NKD1: variants seen among roughly 807,000 people sequenced by gnomAD.
The protein encoded by NKD1 is NKD inhibitor of Wnt signaling pathway 1.
In NKD1, 21 loss-of-function variants were observed where a neutral mutation model predicts 56.0. That is an observed-to-expected ratio of 0.38 (90% CI 0.27 to 0.54). The LOEUF (loss-of-function observed/expected upper bound fraction) is 0.54, where lower values mean the gene tolerates loss of function less well. NKD1 is among the 20% of genes least tolerant of loss of function. The probability of loss-of-function intolerance (pLI) is 0.82; values close to 1 mark genes in which losing one functional copy is unlikely to be tolerated. For synonymous variants in NKD1, 263 were observed against 265.7 expected, an observed-to-expected ratio of 0.99 and a Z score of 0.10; for missense variants, 578 against 642.7, an observed-to-expected ratio of 0.90 and a Z score of 1.09.
rs917339522 is a variant in NKD1, at chr16:50,636,138, A to T, written c.*2357A>T. ...ATAGCTGGACCAATCATGACATCCC[A>T]GATGGGGTCACGTGGCCAACCTGCC... is the stretch of plus-strand genomic sequence containing the variant. On this transcript the variant is annotated 3_prime_UTR_variant, in exon 10 of 10. Transcript: ENST00000268459. 2 of 152,306 alleles carry T rather than the reference A, an allele frequency of 1.3e-5. No individual in the cohort carries two copies. The highest frequency in any genetic ancestry group is 4.8e-5 in the African/African-American group (2 of 41,444). 9.4% of individuals were successfully genotyped at this position (152,306 alleles called of 1,614,324 possible). A position where few individuals can be genotyped will look rare whatever the true frequency, so the allele number is the denominator to read the frequency against.
At chr16:50,608,619 G>T (rs1961771797) in intron 4 of NKD1, among the ~76,000 whole-genome samples, 1 of 152,188 alleles carries the variant, frequency 6.6e-6, no homozygotes, top group Non-Finnish European at 1.5e-5. Context: ...ATTAGCTGGG[G>T]GATCTCGGAC....
Position 50,580,042 on chromosome 16 carries a change from C to T in NKD1, c.193-28252C>T, listed in dbSNP as rs116543186. Among the ~76,000 whole-genome samples the T allele has an allele frequency of 5.8e-3, 881 of 152,124 alleles. 8 individuals are homozygous for T. The highest frequency in any genetic ancestry group is 0.014 in the African/African-American group (588 of 41,500). On this transcript the variant is annotated intron_variant, in intron 3 of 9. Coordinates refer to ENST00000268459, the MANE Select transcript of NKD1 (RefSeq NM_033119.5). Reference sequence around the variant, plus strand: ...AGTCCCACAGGCTACCAGCTACACACGCACTGTCTTGGTCCCACCGGCTAG... The same window carrying T: ...AGTCCCACAGGCTACCAGCTACACATGCACTGTCTTGGTCCCACCGGCTAG...
intron 3 of NKD1, among the ~76,000 whole-genome samples, chr16:50,596,428 A>C (rs1961473340): frequency 6.6e-6 from 1 of 151,742 alleles, no homozygotes; most frequent in South Asian, 2.1e-4. Flanking sequence ...AGAAGTAATC[A>C]TGTGTGTTCA....
chr16:50,590,359 T>G (rs1961338825), intron 3 of NKD1, among the ~76,000 whole-genome samples: 1 of 152,176 alleles, frequency 6.6e-6, no homozygotes. Context: ...AATCCCCACA[T>G]GTGTTCACAC....
At chr16:50,577,708 C>G (rs1961021685) in intron 3 of NKD1, among the ~76,000 whole-genome samples, 1 of 152,178 alleles carries the variant, frequency 6.6e-6, no homozygotes, top group African/African-American at 2.4e-5. Context: ...TTCCACTCTG[C>G]TTCTTTGAGT....
Position 50,634,010 on chromosome 16 carries a change from G to T in NKD1, c.*229G>T. 2 of 421,682 alleles carry T rather than the reference G, an allele frequency of 4.7e-6. No homozygotes were observed. The highest frequency in any genetic ancestry group is 1.2e-4 in the South Asian group (2 of 16,884). The allele number at this position is 421,682 out of a possible 1,614,324, so 26.1% of individuals were successfully genotyped here. On this transcript the variant is annotated 3_prime_UTR_variant, in exon 10 of 10. Coordinates refer to ENST00000268459, the MANE Select transcript of NKD1 (RefSeq NM_033119.5). ...ATAACTAGCCCAGGAAATGACTCTG[G>T]TTTTGAGTGGCCTGTAATGGGCAGA...
rs1159717312 is a variant in NKD1 at position 50,548,431 on chromosome 16, C to T, written c.-123C>T. ...CGGCGACGGCGGCAGGAGCGCGTCCCGGCGCCGCCTCGGGCTCCGCTCGGC... is the reference window on the plus strand; with the variant it reads ...CGGCGACGGCGGCAGGAGCGCGTCCTGGCGCCGCCTCGGGCTCCGCTCGGC... On this transcript the variant is annotated 5_prime_UTR_variant, in exon 1 of 10. Coordinates refer to ENST00000268459, the MANE Select transcript of NKD1 (RefSeq NM_033119.5). 28 of 631,544 alleles carry T rather than the reference C, an allele frequency of 4.4e-5. No individual in the cohort carries two copies. Among genetic ancestry groups the T allele is most frequent in the Non-Finnish European group, 5.2e-5 (24 of 457,680 alleles). 39.1% of individuals were successfully genotyped at this position (631,544 alleles called of 1,614,324 possible).
chr16:50,617,160 C>T (rs575529565), intron 4 of NKD1, among the ~76,000 whole-genome samples: 1 of 152,344 alleles, frequency 6.6e-6, no homozygotes, highest in Non-Finnish European at 1.5e-5. Flanking sequence ...GCTCTCACAG[C>T]ATGCGGTCCC....
At position 50,647,363 on chromosome 16, in the gene NKD1, G is replaced by C. The variant is rs949820124; in HGVS notation, c.*13582G>C. 1.5e-4 allele frequency: 23 copies of C among 152,234 alleles called. No individual in the cohort carries two copies. Among genetic ancestry groups the C allele is most frequent in the African/African-American group, 5.3e-4 (22 of 41,452 alleles). 9.4% of individuals were successfully genotyped at this position (152,234 alleles called of 1,614,324 possible). A position where few individuals can be genotyped will look rare whatever the true frequency, so the allele number is the denominator to read the frequency against. The stretch of plus-strand genomic sequence containing the variant: ...GCCTGAGGACCACAGAGCACACACA[G>C]AGAGTGCTGGGTCCTTGGGAATGAT... On this transcript the variant is annotated 3_prime_UTR_variant, in exon 10 of 10. Coordinates refer to ENST00000268459, the MANE Select transcript of NKD1 (RefSeq NM_033119.5).
chr16:50,596,503 C>T (rs563397805), intron 3 of NKD1, among the ~76,000 whole-genome samples: 40 of 152,204 alleles, frequency 2.6e-4, no homozygotes, highest in African/African-American at 8.4e-4. Flanking sequence ...TTTTGGTGCC[C>T]GTCTCTGCAG....
chr16:50,571,196 T>G (rs1171495273), intron 3 of NKD1, among the ~76,000 whole-genome samples: 1 of 152,230 alleles, frequency 6.6e-6, no homozygotes, highest in Non-Finnish European at 1.5e-5. Flanking sequence ...GGCTCTGGCC[T>G]AGGGGGCTGC....
At chr16:50,588,218 A>T (rs1357300016) in intron 3 of NKD1, among the ~76,000 whole-genome samples, 13 of 152,362 alleles carry the variant, frequency 8.5e-5, no homozygotes, top group Admixed American at 7.8e-4. Flanking sequence ...TTCAACTTAC[A>T]TATCTAATAG....
At chr16:50,573,880 G>T in intron 3 of NKD1, 1 of 985,398 alleles carries the variant, frequency 1.0e-6, no homozygotes, top group Non-Finnish European at 1.2e-6. Flanking sequence ...GGGGGTGAGG[G>T]TGCTGAGCTG....
intron 3 of NKD1, chr16:50,570,923 C>T: frequency 2.0e-6 from 2 of 985,444 alleles, no homozygotes; most frequent in South Asian, 9.4e-5. Flanking sequence ...CCAGCCATAG[C>T]AGCCCTGTGC....
At position 50,633,329 on chromosome 16, in the gene NKD1, C is replaced by G; in HGVS notation, c.961C>G (p.Leu321Val). Residue 321 changes from leucine to valine, a missense_variant, in exon 10 of 10, where the codon CTT (leucine) becomes GTT (valine). Physicochemically the swap from Leu to Val is conservative, Grantham distance 32. Coordinates refer to ENST00000268459, the MANE Select transcript of NKD1 (RefSeq NM_033119.5). This position sits in a 1 kb window ranked among gnomAD's most constrained non-coding sequence, Gnocchi z 4.9. ...CGTGGACCCGGCCTCCTTCCACTTC[C>G]TTGACACCCCAATCGCCAAGGTCTC... Reference protein sequence around the residue: ...QGVDPASFHFLDTPIAKVSEL... With the variant: ...QGVDPASFHFVDTPIAKVSEL... 1 of 1,614,176 alleles carries G rather than the reference C, an allele frequency of 6.2e-7. No homozygotes were observed. The highest frequency in any genetic ancestry group is 8.5e-7 in the Non-Finnish European group (1 of 1,180,000).
rs1029915986 is a variant in NKD1 at position 50,645,285 on chromosome 16, G to A, written c.*11504G>A. The A allele has an allele frequency of 6.6e-6, 1 of 152,158 alleles. No homozygotes were observed. The highest frequency in any genetic ancestry group is 2.4e-5 in the African/African-American group (1 of 41,408). The allele number at this position is 152,158 out of a possible 1,614,324, so 9.4% of individuals were successfully genotyped here. On this transcript the variant is annotated 3_prime_UTR_variant, in exon 10 of 10. Transcript: ENST00000268459. ...ATAACTTCTGGGGAGACATGGGAGG[G>A]AATAACAGAGGGGACATGATGGAGA...
chr16:50,601,744 T>G (rs1961601489), intron 3 of NKD1, among the ~76,000 whole-genome samples: 1 of 152,160 alleles, frequency 6.6e-6, no homozygotes, highest in Non-Finnish European at 1.5e-5. Context: ...CACCACCAGG[T>G]GACCTGTGGC....
At chr16:50,563,410 A>C (rs916952735) in intron 3 of NKD1, among the ~76,000 whole-genome samples, 1 of 149,142 alleles carries the variant, frequency 6.7e-6, no homozygotes, top group Admixed American at 6.6e-5. Context: ...CTCCATCCTC[A>C]GTGGGCACAG....
chr16:50,551,538 G>A (rs1306506018), intron 3 of NKD1, among the ~76,000 whole-genome samples: 1 of 152,186 alleles, frequency 6.6e-6, no homozygotes, highest in Non-Finnish European at 1.5e-5. Flanking sequence ...TCTTGCTGCT[G>A]GGGACCCAGA....
Sources: gnomAD v4.1 joint callset for allele counts (sites outside exome capture counted in the v4.1 genomes callset) on GRCh38, gnomAD v4.1.1 for gene constraint, Gnocchi (gnomAD v3.1) non-coding constraint, MANE v1.5 for transcripts, NCBI Gene and HGNC (gene_info 2026-07-23, HGNC 2026-07-21) for gene names.